DGKI: variants seen among roughly 807,000 people sequenced by gnomAD.
The protein encoded by DGKI is DAG kinase iota.
A neutral mutation model predicts 147.5 loss-of-function variants in DGKI; 55 were observed. The ratio of observed to expected loss-of-function variants is 0.37; its 90% CI spans 0.30 to 0.47. The LOEUF (loss-of-function observed/expected upper bound fraction) is 0.47, where lower values mean the gene tolerates loss of function less well. Ranked by LOEUF, DGKI falls within the 20% of genes least tolerant of loss-of-function variation. DGKI has a pLI of 1.00. For synonymous variants in DGKI, 469 were observed against 477.1 expected (o/e 0.98, Z 0.22); for missense variants, 1,007 against 1,323.8 (o/e 0.76, Z 3.71).
chr7:137,690,858 A>G (rs980339878), intron 1 of DGKI, among the ~76,000 whole-genome samples: 13 of 151,534 alleles, frequency 8.6e-5, no homozygotes, highest in Non-Finnish European at 1.9e-4. Flanking sequence ...AGAAGAAGAA[A>G]AAAAAAGCAG....
chr7:137,741,451 G>T (rs368400398), intron 1 of DGKI, among the ~76,000 whole-genome samples: 2 of 152,314 alleles, frequency 1.3e-5, no homozygotes, highest in African/African-American at 2.4e-5. Flanking sequence ...ATCCCACAAG[G>T]TTCCTTCTGG....
At chr7:137,741,870 A>G (rs1207992402) in intron 1 of DGKI, among the ~76,000 whole-genome samples, 2 of 152,228 alleles carry the variant, frequency 1.3e-5, no homozygotes, top group African/African-American at 4.8e-5. Flanking sequence ...TGAAAACCAT[A>G]GGGGCTGCTT....
intron 1 of DGKI, among the ~76,000 whole-genome samples, chr7:137,812,818 T>C (rs1191921566): frequency 2.0e-5 from 3 of 152,232 alleles, no homozygotes; most frequent in African/African-American, 7.2e-5. Flanking sequence ...CACTAAGCTA[T>C]GTTGCGCCTT....
chr7:137,764,818 C>T (rs570865321), intron 1 of DGKI, among the ~76,000 whole-genome samples: 2 of 152,270 alleles, frequency 1.3e-5, no homozygotes, highest in African/African-American at 4.8e-5. Context: ...TGAATATGTT[C>T]TCAATCCCAT....
chr7:137,634,540 A>G (rs1159984062), intron 6 of DGKI, among the ~76,000 whole-genome samples: 1 of 152,206 alleles, frequency 6.6e-6, no homozygotes, highest in African/African-American at 2.4e-5. Context: ...AGATCACTAC[A>G]TCATAAGGTT....
chr7:137,465,462 C>T (rs959735205), intron 26 of DGKI, among the ~76,000 whole-genome samples: 3 of 152,048 alleles, frequency 2.0e-5, no homozygotes, highest in Non-Finnish European at 1.5e-5. Flanking sequence ...GTGGTAGAAA[C>T]AGAAGAGAGA....
chr7:137,569,728 CAAAAAAAAAAAAAAAAAAAAAAAAA>C lies in DGKI; in HGVS notation c.1947+1422_1947+1446del, dbSNP rs60719355. On this transcript the variant is annotated intron_variant, in intron 19 of 32. Transcript: ENST00000614521. ...TGGGCAACAGAGTGAGACTCTGTCT[CAAAAAAAAAAAAAAAAAAAAAAAAA>C]AAAAAAAAAAAAAAAAAAAGAATTC... Among the ~76,000 whole-genome samples the C allele has an allele frequency of 9.7e-3, 626 of 64,618 alleles. 8 individuals carry two copies. The highest frequency in any genetic ancestry group is 0.012 in the Non-Finnish European group (418 of 34,844). 42.4% of individuals were successfully genotyped at this position (64,618 alleles called of 152,430 possible). A position where few individuals can be genotyped will look rare whatever the true frequency, so the allele number is the denominator to read the frequency against.
chr7:137,615,765 A>G (rs1033519456), intron 8 of DGKI, among the ~76,000 whole-genome samples: 3 of 152,110 alleles, frequency 2.0e-5, no homozygotes, highest in Non-Finnish European at 2.9e-5. Flanking sequence ...TCAGAGACAC[A>G]ATGACTTTTC....
intron 21 of DGKI, among the ~76,000 whole-genome samples, chr7:137,498,471 T>C (rs768736360): frequency 2.0e-5 from 3 of 152,026 alleles, no homozygotes; most frequent in Non-Finnish European, 4.4e-5. Flanking sequence ...TACAGAACAA[T>C]ATAACATCAT....
chr7:137,592,358 T>C (rs1819645830), intron 12 of DGKI, among the ~76,000 whole-genome samples: 1 of 152,224 alleles, frequency 6.6e-6, no homozygotes, highest in East Asian at 1.9e-4. Flanking sequence ...TGCAAAGTTC[T>C]TTCCTTCCTT....
At chr7:137,454,564 A>T (rs1388889214) in intron 27 of DGKI, among the ~76,000 whole-genome samples, 1 of 152,226 alleles carries the variant, frequency 6.6e-6, no homozygotes, top group Non-Finnish European at 1.5e-5. Flanking sequence ...TAGCCATCAC[A>T]TTTTAGCATT....
chr7:137,784,714 T>C (rs899810171), intron 1 of DGKI, among the ~76,000 whole-genome samples: 1 of 152,084 alleles, frequency 6.6e-6, no homozygotes, highest in African/African-American at 2.4e-5. Context: ...AGATAGACCA[T>C]ATGATAGGCC....
rs1457149653 is a variant in DGKI, at chr7:137,670,985, T to G, written c.606+7572A>C. Among the ~76,000 whole-genome samples the G allele has an allele frequency of 2.6e-5, 4 of 152,196 alleles. No individual in the cohort carries two copies. The East Asian group carries it at 7.7e-4, about 29-fold the overall frequency. ...AAGTCCCCAGTAATGCATGTCGGGC[T>G]CTGATTGCCTCATCTTCTCACCCAC... On this transcript the variant is annotated intron_variant, in intron 3 of 32. Coordinates refer to ENST00000614521, the MANE Select transcript of DGKI (RefSeq NM_001321708.2).
intron 3 of DGKI, among the ~76,000 whole-genome samples, chr7:137,667,622 A>G (rs1822685762): frequency 6.6e-6 from 1 of 152,244 alleles, no homozygotes; most frequent in East Asian, 1.9e-4. Flanking sequence ...ATTTCTAACC[A>G]AAAATTTAGA....
intron 23 of DGKI, among the ~76,000 whole-genome samples, chr7:137,471,683 A>T (rs899695646): frequency 2.0e-5 from 3 of 152,004 alleles, no homozygotes; most frequent in African/African-American, 7.3e-5. Context: ...CATCTTAGTA[A>T]ACTAGAAACC....
chr7:137,612,719 T>G (rs1820407226), intron 8 of DGKI, among the ~76,000 whole-genome samples: 1 of 152,108 alleles, frequency 6.6e-6, no homozygotes, highest in Non-Finnish European at 1.5e-5. Context: ...GTGTAGAATT[T>G]GTTGGTGATA....
At chr7:137,554,638 C>G (rs1818159470) in intron 19 of DGKI, among the ~76,000 whole-genome samples, 1 of 152,118 alleles carries the variant, frequency 6.6e-6, no homozygotes, top group African/African-American at 2.4e-5. Flanking sequence ...TATCCTCCTC[C>G]TTACTGCCTA....
In DGKI at chr7:137,803,890, A is replaced by G. The variant is rs188698429; in HGVS notation, c.401+42572T>C. Among the ~76,000 whole-genome samples the G allele has an allele frequency of 5.9e-4, 90 of 152,300 alleles. 1 individual carries two copies. The highest frequency in any genetic ancestry group is 2.0e-3 in the African/African-American group (84 of 41,574). On this transcript the variant is annotated intron_variant, in intron 1 of 32. Coordinates refer to ENST00000614521, the MANE Select transcript of DGKI (RefSeq NM_001321708.2). Reference sequence around the variant, plus strand: ...GTCCCATCCCTAACACCCGCTCACTATATCATCTTAGATTCGTGAGGTAAA... The same window carrying G: ...GTCCCATCCCTAACACCCGCTCACTGTATCATCTTAGATTCGTGAGGTAAA...
chr7:137,616,944 T>C (rs534363152), intron 8 of DGKI, among the ~76,000 whole-genome samples: 31 of 151,892 alleles, frequency 2.0e-4, no homozygotes, highest in African/African-American at 7.5e-4. Flanking sequence ...AATGCAATAA[T>C]AGACTTTGGC....
Sources: allele counts gnomAD v4.1 joint callset (sites outside exome capture counted in the v4.1 genomes callset), GRCh38; gene constraint gnomAD v4.1.1; transcripts MANE v1.5; gene names NCBI Gene and HGNC (gene_info 2026-07-23, HGNC 2026-07-21).